Variants in TEX22 observed in about 807,000 individuals in gnomAD.
TEX22 encodes testis-expressed protein 22.
In TEX22, 16 loss-of-function variants were observed where a neutral mutation model predicts 11.3. The ratio of observed to expected loss-of-function variants is 1.42; its 90% CI spans 0.96 to 2.15. The LOEUF (loss-of-function observed/expected upper bound fraction) is 2.15. TEX22 is among the 30% of genes most tolerant of loss of function. The probability of loss-of-function intolerance (pLI) is 0.00; values close to 1 mark genes in which losing one functional copy is unlikely to be tolerated. For missense variants in TEX22, 220 were observed against 208.6 expected (o/e 1.05, Z -0.34); for synonymous variants, 97 against 92.3 (o/e 1.05, Z -0.29).
At chr14:105,400,875 CA>C (rs2081623048) in intron 2 of TEX22, among the ~76,000 whole-genome samples, 1 of 152,154 alleles carries the variant, frequency 6.6e-6, no homozygotes, top group African/African-American at 2.4e-5. Flanking sequence ...TATAGGTGGG[CA>C]CTCCCAAACA....
intron 2 of TEX22, among the ~76,000 whole-genome samples, chr14:105,402,646 C>T (rs1763289857): frequency 6.6e-6 from 1 of 151,536 alleles, no homozygotes; most frequent in Non-Finnish European, 1.5e-5. Flanking sequence ...GTCCCAGCTA[C>T]TCGGGAGGCT....
chr14:105,403,220 TA>T (rs1410747152), intron 2 of TEX22, among the ~76,000 whole-genome samples: 2 of 152,220 alleles, frequency 1.3e-5, no homozygotes, highest in Non-Finnish European at 2.9e-5. Context: ...TTCTATTGAT[TA>T]AAAGGAAACT....
Position 105,411,477 on chromosome 14 carries a change from G to A in TEX22, c.260G>A (p.Gly87Glu). The change falls in exon 3 of 4, where the codon GGG (glycine) becomes GAG (glutamate). Residue 87 changes from glycine to glutamate, a missense_variant. Physicochemically the swap from Gly to Glu is moderately conservative, Grantham distance 98 (BLOSUM62 -2). Coordinates refer to ENST00000451127, the MANE Select transcript of TEX22 (RefSeq NM_001195082.2). ...LGGRERPGAAGTQLHCRDVVQ... is the reference protein window; with the variant it reads ...LGGRERPGAAETQLHCRDVVQ... ...GGCCGGGAGAGGCCGGGCGCCGCCG[G>A]GACCCAGCTGCACTGCAGGGTGCGC... is the stretch of plus-strand genomic sequence containing the variant. The A allele has an allele frequency of 8.1e-7, 1 of 1,235,034 alleles. No individual in the cohort carries two copies. Among genetic ancestry groups the A allele is most frequent in the Non-Finnish European group, 1.0e-6 (1 of 991,368 alleles). The allele number at this position is 1,235,034 out of a possible 1,614,324, so 76.5% of individuals were successfully genotyped here.
chr14:105,398,789 G>A (rs1192257574), intron 1 of TEX22, among the ~76,000 whole-genome samples, 154 bp downstream of exon 1: 1 of 152,040 alleles, frequency 6.6e-6, no homozygotes, highest in Non-Finnish European at 1.5e-5. Context: ...GACCCCGGCC[G>A]CGCAGACCCC....
At chr14:105,405,420 G>A (rs1217663289) in intron 2 of TEX22, among the ~76,000 whole-genome samples, 1 of 152,214 alleles carries the variant, frequency 6.6e-6, no homozygotes, top group Non-Finnish European at 1.5e-5. Context: ...ATTTAATTCA[G>A]TCAATGAAAA....
intron 2 of TEX22, among the ~76,000 whole-genome samples, chr14:105,404,497 C>G (rs1555418733): frequency 6.6e-6 from 1 of 152,216 alleles, no homozygotes; most frequent in Admixed American, 6.5e-5. Context: ...GGACAGCTCT[C>G]ACAGGCAGTC....
intron 2 of TEX22, among the ~76,000 whole-genome samples, chr14:105,402,131 A>G (rs1181830932): frequency 2.0e-5 from 3 of 152,156 alleles, no homozygotes; most frequent in Non-Finnish European, 4.4e-5. Context: ...GGATGCAGTG[A>G]GCCGAGATTC....
chr14:105,403,650 G>A (rs2081644010), intron 2 of TEX22, among the ~76,000 whole-genome samples: 1 of 152,192 alleles, frequency 6.6e-6, no homozygotes, highest in Admixed American at 6.5e-5. Context: ...GTCTTGAACT[G>A]GGCTCATGTG....
intron 2 of TEX22, among the ~76,000 whole-genome samples, chr14:105,401,621 C>T (rs377750303): frequency 2.4e-4 from 36 of 151,576 alleles, no homozygotes; most frequent in African/African-American, 4.6e-4. Context: ...TTAGGAGATA[C>T]ACCTAATGCT....
At chr14:105,407,939 A>G (rs1333089370) in intron 2 of TEX22, among the ~76,000 whole-genome samples, 3 of 150,740 alleles carry the variant, frequency 2.0e-5, no homozygotes, top group East Asian at 2.0e-4. Flanking sequence ...TGTCTGTGTT[A>G]TGGGGCTCTA....
In TEX22 at chr14:105,411,691, C is replaced by A. The variant is rs1465244282; in HGVS notation, c.311C>A (p.Ser104Ter). 1.3e-6 allele frequency: 2 copies of A among 1,531,984 alleles called. No homozygotes were observed. The highest frequency in any genetic ancestry group is 1.7e-6 in the Non-Finnish European group (2 of 1,144,798). The allele number at this position is 1,531,984 out of a possible 1,614,324, so 94.9% of individuals were successfully genotyped here. The change falls in exon 4 of 4, where the codon TCG becomes TAG. Residue 104 changes from serine to a stop codon, truncating the protein, a stop_gained. Transcript: ENST00000451127. LOFTEE classifies it low-confidence loss of function (END_TRUNC). ...DVVQMVAQLV[S>*]EDVDKDVLLP... Reference sequence around the variant, plus strand: ...GTGCAGATGGTAGCCCAGCTGGTGTCGGAGGACGTGGACAAGGACGTGCTC... The same window carrying A: ...GTGCAGATGGTAGCCCAGCTGGTGTAGGAGGACGTGGACAAGGACGTGCTC...
At chr14:105,402,324 A>G (rs1555418432) in intron 2 of TEX22, among the ~76,000 whole-genome samples, 1 of 152,260 alleles carries the variant, frequency 6.6e-6, no homozygotes. Flanking sequence ...TTTAAGAAAC[A>G]TGAGTACAGA....
At chr14:105,400,289 C>A (rs1199687277) in intron 2 of TEX22, among the ~76,000 whole-genome samples, 1 of 152,182 alleles carries the variant, frequency 6.6e-6, no homozygotes, top group Non-Finnish European at 1.5e-5. Context: ...CGCTGAGGCC[C>A]CTTTGTACCC....
At chr14:105,407,645 C>T (rs587731681) in intron 2 of TEX22, among the ~76,000 whole-genome samples, 6 of 152,340 alleles carry the variant, frequency 3.9e-5, no homozygotes, top group African/African-American at 9.6e-5. Context: ...GTTGGGATTA[C>T]AGACGAGAGC....
intron 1 of TEX22, among the ~76,000 whole-genome samples, 200 bp downstream of exon 1, chr14:105,398,835 C>T (rs2081603812): frequency 6.6e-6 from 1 of 152,228 alleles, no homozygotes; most frequent in Non-Finnish European, 1.5e-5. Flanking sequence ...CGTAAGGGCT[C>T]CGGGCTGGGC....
At chr14:105,409,978 A>G (rs782649247) in intron 2 of TEX22, among the ~76,000 whole-genome samples, 1 of 151,930 alleles carries the variant, frequency 6.6e-6, no homozygotes, top group Non-Finnish European at 1.5e-5. Flanking sequence ...GGGGTCTCAC[A>G]GGCTGGTTTA....
chr14:105,407,311 A>G (rs2141360393), intron 2 of TEX22, among the ~76,000 whole-genome samples: 1 of 150,542 alleles, frequency 6.6e-6, no homozygotes, highest in Non-Finnish European at 1.5e-5. Flanking sequence ...CAGGCCATTC[A>G]CCCACCTTGG....
chr14:105,405,856 A>T (rs1555418852), intron 2 of TEX22, among the ~76,000 whole-genome samples: 1 of 152,242 alleles, frequency 6.6e-6, no homozygotes, highest in Non-Finnish European at 1.5e-5. Flanking sequence ...ACCATACAAC[A>T]ATTTTGGAAA....
chr14:105,409,706 CCTTT>C (rs1159483788), intron 2 of TEX22, among the ~76,000 whole-genome samples: 5 of 147,828 alleles, frequency 3.4e-5, no homozygotes, highest in Non-Finnish European at 7.7e-5. Flanking sequence ...TTTCTCCCTT[CCTTT>C]CTTTCTTTCA....
Sources: gnomAD v4.1 joint callset for allele counts (sites outside exome capture counted in the v4.1 genomes callset) on GRCh38, gnomAD v4.1.1 for gene constraint, MANE v1.5 for transcripts, NCBI Gene and HGNC (gene_info 2026-07-23, HGNC 2026-07-21) for gene names.